The following CDC42BPA variants were observed in gnomAD, a reference collection of about 807,000 sequenced individuals.
CDC42BPA encodes CDC42 binding protein kinase alpha, also known as serine/threonine-protein kinase MRCK alpha.
CDC42BPA carries 80 observed loss-of-function variants against 223.5 expected under a neutral mutation model. The observed-to-expected ratio is 0.36, with a 90% CI of 0.30 to 0.43. The LOEUF is 0.43. Among genes scored for constraint, CDC42BPA ranks in the 20% least tolerant of loss-of-function variants. CDC42BPA has a pLI of 1.00. For synonymous variants in CDC42BPA, 694 were observed against 718.6 expected (o/e 0.97, Z 0.55); for missense variants, 1,743 against 2,099.9 (o/e 0.83, Z 3.32).
In CDC42BPA at chr1:227,167,499, C is replaced by T. The variant is rs1665250387; in HGVS notation, c.600-6863G>A. ...CCACTTTCTTCTCTATTTTTTCTCC[C>T]ATCTAAAATTAATGCTTCTCAGTTT... is the stretch of plus-strand genomic sequence containing the variant. On this transcript the variant is annotated intron_variant, in intron 5 of 36. Coordinates refer to ENST00000366766, the MANE Select transcript of CDC42BPA (RefSeq NM_001394014.1). Among the ~76,000 whole-genome samples, 3 of 152,252 alleles carry T rather than the reference C, an allele frequency of 2.0e-5. No homozygotes were observed. In the South Asian group the frequency reaches 6.2e-4, roughly 32 times the overall value.
At chr1:227,107,898 C>A (rs1324991504) in intron 14 of CDC42BPA, among the ~76,000 whole-genome samples, 1 of 152,012 alleles carries the variant, frequency 6.6e-6, no homozygotes, top group African/African-American at 2.4e-5. Context: ...TCTTATAATT[C>A]TTTTGTTTTC....
At chr1:227,209,813 A>T (rs1673540776) in intron 3 of CDC42BPA, among the ~76,000 whole-genome samples, 1 of 150,894 alleles carries the variant, frequency 6.6e-6, no homozygotes, top group Admixed American at 6.6e-5. Flanking sequence ...TTGGTCTAAA[A>T]TTCTCTTTTT....
At chr1:227,230,415 T>G in intron 2 of CDC42BPA, among the ~76,000 whole-genome samples, 1 of 152,214 alleles carries the variant, frequency 6.6e-6, no homozygotes, top group South Asian at 2.1e-4. Context: ...AATTTATAGA[T>G]TAGGGAGAAC....
chr1:227,311,887 A>G (rs12073573), intron 1 of CDC42BPA, among the ~76,000 whole-genome samples: 26,221 of 149,984 alleles, frequency 0.17, 2,296 homozygotes, highest in Middle Eastern at 0.24. Flanking sequence ...TATCTTGCCC[A>G]TACCTTACAC....
chr1:227,213,049 G>A, intron 3 of CDC42BPA, 87 bp downstream of exon 3: 1 of 652,554 alleles, frequency 1.5e-6, no homozygotes. Flanking sequence ...ATGTTACCAA[G>A]TAATATTTAA....
chr1:227,302,915 G>A (rs1481719518), intron 1 of CDC42BPA, among the ~76,000 whole-genome samples: 1 of 148,742 alleles, frequency 6.7e-6, no homozygotes, highest in East Asian at 2.0e-4. Context: ...ATTCTCTTTT[G>A]CTCCTTTTTA....
intron 10 of CDC42BPA, among the ~76,000 whole-genome samples, chr1:227,132,995 T>C (rs1367297775): frequency 6.7e-6 from 1 of 149,190 alleles, no homozygotes; most frequent in Non-Finnish European, 1.5e-5. Context: ...GTCTGGGAAG[T>C]GAGGAGCATC....
Position 227,072,262 on chromosome 1 carries a change from G to A in CDC42BPA, c.2773C>T (p.Leu925Phe). 1 of 1,607,182 alleles carries A rather than the reference G, an allele frequency of 6.2e-7. No individual in the cohort carries two copies. The highest frequency in any genetic ancestry group is 8.5e-7 in the Non-Finnish European group (1 of 1,174,372). The change falls in exon 20 of 37, where the codon CTC becomes TTC. Residue 925 changes from leucine to phenylalanine, a missense_variant. By Grantham distance (22) the Leu-to-Phe change is conservative. This residue lies in a region of CDC42BPA where 678 missense variants were observed against 777.5 expected (regional missense o/e 0.87). Transcript: ENST00000366766. ...KDSEKKNLEL[L>F]SEIEQLIKDT... Reference sequence around the variant, plus strand: ...TTTATCAGCTGTTCGATTTCTGAGAGTAGTTCCAAGTTCTTCTTCTCTGAA... The same window carrying A: ...TTTATCAGCTGTTCGATTTCTGAGAATAGTTCCAAGTTCTTCTTCTCTGAA...
At chr1:227,033,308 G>A in intron 27 of CDC42BPA, 26 bp downstream of exon 27, 17 of 1,462,316 alleles carry the variant, frequency 1.2e-5, no homozygotes, top group Non-Finnish European at 1.5e-5. Context: ...ATAATTCAGT[G>A]ATCAAATTAC....
At chr1:227,033,945 T>C (rs1323701144) in intron 26 of CDC42BPA, among the ~76,000 whole-genome samples, 1 of 152,216 alleles carries the variant, frequency 6.6e-6, no homozygotes. Flanking sequence ...GTAGGTTCTA[T>C]CAGATTTTTC....
intron 23 of CDC42BPA, 34 bp downstream of exon 23, chr1:227,047,893 T>G: frequency 2.3e-6 from 3 of 1,287,994 alleles, no homozygotes; most frequent in East Asian, 2.3e-5. Flanking sequence ...TCATTTTTTT[T>G]GGAACACACT....
At chr1:226,996,221 G>A (rs895445139) in intron 35 of CDC42BPA, among the ~76,000 whole-genome samples, 48 of 152,206 alleles carry the variant, frequency 3.2e-4, no homozygotes, top group African/African-American at 1.1e-3. Context: ...GTATGATGGA[G>A]CTTGACAAAC....
At chr1:227,140,395 T>C (rs906288597) in intron 9 of CDC42BPA, among the ~76,000 whole-genome samples, 13 of 151,874 alleles carry the variant, frequency 8.6e-5, no homozygotes, top group African/African-American at 2.7e-4. Flanking sequence ...ATAAAGAAGT[T>C]AGGAAAGCTG....
intron 8 of CDC42BPA, among the ~76,000 whole-genome samples, chr1:227,144,388 AACAC>A (rs1660282183): frequency 6.6e-6 from 1 of 152,028 alleles, no homozygotes; most frequent in Non-Finnish European, 1.5e-5. Flanking sequence ...CATTCTGGCT[AACAC>A]GGTGAAACCC....
chr1:227,006,922 ACTCACTCTG>A (rs56228532), intron 34 of CDC42BPA, among the ~76,000 whole-genome samples: 111,437 of 151,370 alleles, frequency 0.74, 41,253 homozygotes, highest in African/African-American at 0.78. Flanking sequence ...CTGGGCGTGC[ACTCACTCTG>A]CAGAGTGAGA....
rs553342626 is a variant in CDC42BPA at position 227,077,464 on chromosome 1, C to T, written c.2481-3100G>A. Among the ~76,000 whole-genome samples the T allele has an allele frequency of 6.6e-5, 10 of 152,204 alleles. No individual in the cohort carries two copies. In the East Asian group the frequency reaches 1.2e-3, roughly 18 times the overall value. ...AGAGACAAAGGTTTCATTACTGAAA[C>T]GCTTTGTAATTATTAAACCCTTCTC... On this transcript the variant is annotated intron_variant, in intron 17 of 36. Coordinates refer to ENST00000366766, the MANE Select transcript of CDC42BPA (RefSeq NM_001394014.1).
rs1352721526 is a variant in CDC42BPA at position 227,021,549 on chromosome 1, C to T, written c.4615+1714G>A. ...CAAGACAATGTACCAATGCACTGAA[C>T]CAGAAATCAAGCAATTTTGTGTATT... On this transcript the variant is annotated intron_variant, in intron 32 of 36. Coordinates refer to ENST00000366766, the MANE Select transcript of CDC42BPA (RefSeq NM_001394014.1). Among the ~76,000 whole-genome samples, 4 of 152,046 alleles carry T rather than the reference C, an allele frequency of 2.6e-5. No homozygotes were observed. The East Asian group carries it at 5.8e-4, about 22-fold the overall frequency.
intron 26 of CDC42BPA, 141 bp downstream of exon 26, chr1:227,034,514 G>T: frequency 1.3e-6 from 1 of 757,860 alleles, no homozygotes; most frequent in Non-Finnish European, 2.1e-6. Flanking sequence ...TTTCAATTCT[G>T]TTTCTATAGC....
intron 1 of CDC42BPA, among the ~76,000 whole-genome samples, chr1:227,270,840 G>C (rs1443711274): frequency 6.6e-6 from 1 of 152,110 alleles, no homozygotes; most frequent in Admixed American, 6.5e-5. Context: ...CCAGAATCAT[G>C]TATGTCTGGC....
Sources: allele counts gnomAD v4.1 joint callset (sites outside exome capture counted in the v4.1 genomes callset), GRCh38; gene constraint gnomAD v4.1.1; regional missense constraint gnomAD v4.1.1; transcripts MANE v1.5; gene names NCBI Gene and HGNC (gene_info 2026-07-23, HGNC 2026-07-21).